MTTP: variants seen among roughly 807,000 people sequenced by gnomAD.
MTTP encodes microsomal triglyceride transfer protein.
A neutral mutation model predicts 90.6 loss-of-function variants in MTTP; 49 were observed. The observed-to-expected ratio is 0.54, with a 90% CI of 0.43 to 0.69. The LOEUF is 0.69. Ranked by LOEUF, MTTP falls within the 30% of genes least tolerant of loss-of-function variation. MTTP has a pLI of 0.00. For missense variants in MTTP, 945 were observed against 1,067.5 expected (o/e 0.89, Z 1.60); for synonymous variants, 347 against 384.2 (o/e 0.90, Z 1.13).
chr4:99,618,977 C>T lies in MTTP; in HGVS notation c.2221C>T (p.Leu741Phe). The change falls in exon 16 of 18, where the codon CTT (leucine) becomes TTT (phenylalanine). Residue 741 changes from leucine (L) to phenylalanine (F), a missense_variant. Physicochemically the swap from Leu to Phe is conservative, Grantham distance 22. Transcript: ENST00000265517. ...TTATTATGCTTTTTTCTTCTAGGAA[C>T]TTCAGTTACAATCTGGACTAAAAGC... ...LILLIDHSQE[L>F]QLQSGLKANI... 6.2e-7 allele frequency: 1 copy of T among 1,611,656 alleles called. No individual in the cohort carries two copies. Among genetic ancestry groups the T allele is most frequent in the Non-Finnish European group, 8.5e-7 (1 of 1,177,962 alleles).
intron 16 of MTTP, among the ~76,000 whole-genome samples, chr4:99,620,202 G>A (rs537125039): frequency 1.1e-3 from 165 of 152,232 alleles, no homozygotes; most frequent in African/African-American, 3.1e-3. Context: ...GGATTAAAAC[G>A]ACCTCTGACC....
intron 15 of MTTP, among the ~76,000 whole-genome samples, chr4:99,617,904 G>A (rs1024479879): frequency 2.0e-5 from 3 of 149,414 alleles, no homozygotes; most frequent in Non-Finnish European, 4.4e-5. Flanking sequence ...CAAACAGCAG[G>A]GTATTAGGCT....
At chr4:99,622,529 C>T in intron 17 of MTTP, 148 bp from the exon 18 acceptor site, 1 of 763,200 alleles carries the variant, frequency 1.3e-6, no homozygotes, top group Non-Finnish European at 2.2e-6. Context: ...AAGAAAATCA[C>T]CCATTCATGG....
intron 1 of MTTP, among the ~76,000 whole-genome samples, chr4:99,564,839 A>C (rs1724626076): frequency 6.6e-6 from 1 of 152,188 alleles, no homozygotes. Flanking sequence ...GTGAATAGAA[A>C]ATTAAATCCA....
chr4:99,604,250 G>C (rs1435472331), intron 10 of MTTP, among the ~76,000 whole-genome samples: 2 of 152,148 alleles, frequency 1.3e-5, no homozygotes, highest in Admixed American at 6.6e-5. Context: ...CTGCCATTCT[G>C]TGTAGTTCTA....
chr4:99,619,005 A>G lies in MTTP; in HGVS notation c.2249A>G (p.Asn750Ser), dbSNP rs376406599. The G allele has an allele frequency of 3.7e-6, 6 of 1,613,306 alleles. No homozygotes were observed. The highest frequency in any genetic ancestry group is 2.2e-5 in the South Asian group (2 of 91,076). The change falls in exon 16 of 18, where the codon AAT becomes AGT. Residue 750 changes from asparagine to serine, a missense_variant. By Grantham distance (46) the Asn-to-Ser change is conservative. Transcript: ENST00000265517. ...ELQLQSGLKA[N>S]IEVQGGLAID... ...CAGTTACAATCTGGACTAAAAGCCA[A>G]TATAGAGGTCCAGGGTGGTCTAGCT...
chr4:99,564,288 A>G (rs1329087003), intron 1 of MTTP: 1 of 1,500,716 alleles, frequency 6.7e-7, no homozygotes, highest in Non-Finnish European at 8.9e-7. Context: ...AAAATGCAAA[A>G]CAACGAAGAA....
At chr4:99,607,342 T>C (rs550816275) in intron 11 of MTTP, among the ~76,000 whole-genome samples, 1 of 152,326 alleles carries the variant, frequency 6.6e-6, no homozygotes, top group East Asian at 1.9e-4. Context: ...TAAACCTTTG[T>C]TAGGGCAGAG....
intron 1 of MTTP, among the ~76,000 whole-genome samples, chr4:99,579,541 C>G (rs114607690): frequency 0.043 from 6,553 of 152,234 alleles, 153 homozygotes; most frequent in Non-Finnish European, 0.056. Flanking sequence ...AAAATGTCAC[C>G]TTTCCACAGA....
chr4:99,566,093 C>T (rs977649838), intron 1 of MTTP, among the ~76,000 whole-genome samples: 6 of 151,592 alleles, frequency 4.0e-5, no homozygotes, highest in African/African-American at 1.5e-4. Context: ...ATCAAGACCA[C>T]CCTGGCTAAA....
intron 1 of MTTP, among the ~76,000 whole-genome samples, chr4:99,581,638 T>A (rs528294683): frequency 1.3e-5 from 2 of 152,208 alleles, no homozygotes; most frequent in South Asian, 2.1e-4. Flanking sequence ...AAACCCAAAA[T>A]ATCTATAGTT....
chr4:99,578,811 C>T (rs1725028741), intron 1 of MTTP, among the ~76,000 whole-genome samples: 1 of 152,186 alleles, frequency 6.6e-6, no homozygotes, highest in African/African-American at 2.4e-5. Flanking sequence ...TTGGGTTGAA[C>T]TTGGGGTCAG....
intron 11 of MTTP, among the ~76,000 whole-genome samples, chr4:99,608,201 C>T (rs901489793): frequency 3.9e-5 from 6 of 152,034 alleles, no homozygotes; most frequent in African/African-American, 1.4e-4. Flanking sequence ...AATCCCAACA[C>T]TTTGGAAGGC....
chr4:99,591,995 A>G (rs1196058606), intron 6 of MTTP, among the ~76,000 whole-genome samples: 2 of 152,136 alleles, frequency 1.3e-5, no homozygotes, highest in Non-Finnish European at 2.9e-5. Flanking sequence ...ACACAAACCT[A>G]GATGGCATAG....
chr4:99,569,920 G>C (rs1435328148), upstream of MTTP, among the ~76,000 whole-genome samples: 2 of 151,804 alleles, frequency 1.3e-5, no homozygotes, highest in Non-Finnish European at 2.9e-5. Flanking sequence ...GAATTCTGTT[G>C]AATTGATACG....
chr4:99,614,412 G>T (rs1726047431), intron 15 of MTTP, among the ~76,000 whole-genome samples: 1 of 152,150 alleles, frequency 6.6e-6, no homozygotes, highest in Admixed American at 6.5e-5. Flanking sequence ...CTCATTATTT[G>T]GGATTAAACA....
At chr4:99,604,478 A>G (rs1388850544) in intron 10 of MTTP, among the ~76,000 whole-genome samples, 1 of 152,216 alleles carries the variant, frequency 6.6e-6, no homozygotes, top group Non-Finnish European at 1.5e-5. Flanking sequence ...GTACAATTCC[A>G]TGAACACCCA....
Position 99,622,976 on chromosome 4 carries a change from C to A in MTTP, c.*128C>A. 8.8e-7 allele frequency: 1 copy of A among 1,131,748 alleles called. No individual in the cohort carries two copies. The allele number at this position is 1,131,748 out of a possible 1,614,324, so 70.1% of individuals were successfully genotyped here. A position where few individuals can be genotyped will look rare whatever the true frequency, so the allele number is the denominator to read the frequency against. ...CTGTATTTAAGATTTTTGTAAAAAG[C>A]TACAAAAAACTGCAGTTTGATCAAA... On this transcript the variant is annotated 3_prime_UTR_variant, in exon 18 of 18. Transcript: ENST00000265517.
chr4:99,609,003 T>C (rs1473308653), intron 12 of MTTP, 26 bp downstream of exon 12: 6 of 1,586,744 alleles, frequency 3.8e-6, no homozygotes, highest in African/African-American at 1.3e-5. Flanking sequence ...CATGTCTCTC[T>C]GTGTATTCAA....
Sources: allele counts gnomAD v4.1 joint callset (sites outside exome capture counted in the v4.1 genomes callset), GRCh38; gene constraint gnomAD v4.1.1; transcripts MANE v1.5; gene names NCBI Gene and HGNC (gene_info 2026-07-23, HGNC 2026-07-21).